The following ZMAT1 variants were observed in gnomAD, a reference collection of about 807,000 sequenced individuals.
The protein encoded by ZMAT1 is zinc finger matrin-type protein 1.
ZMAT1 carries 11 observed loss-of-function variants against 18.5 expected under a neutral mutation model. The observed-to-expected ratio is 0.59, with a 90% CI of 0.37 to 0.98. The LOEUF (loss-of-function observed/expected upper bound fraction) is 0.98, where lower values mean the gene tolerates loss of function less well. ZMAT1 is among the 50% of genes least tolerant of loss of function. ZMAT1 has a pLI of 0.01. For missense variants in ZMAT1, 525 were observed against 496.2 expected (o/e 1.06, Z -0.55); for synonymous variants, 211 against 176.4 (o/e 1.20, Z -1.55).
intron 4 of ZMAT1, chrX:101,895,932 C>A (rs1215796330): frequency 8.0e-6 from 5 of 624,920 alleles, no homozygotes; most frequent in Non-Finnish European, 9.6e-6. Context: ...GATATTAGAA[C>A]TGCATTTATT....
chrX:101,900,574 G>C (rs902525749), intron 2 of ZMAT1, among the ~76,000 whole-genome samples: 2 of 111,711 alleles, frequency 1.8e-5, no homozygotes, highest in African/African-American at 6.5e-5. Flanking sequence ...TTCCCCAACT[G>C]ATATTTTTGT....
intron 4 of ZMAT1, among the ~76,000 whole-genome samples, chrX:101,896,508 T>C (rs757532671): frequency 1.8e-5 from 2 of 112,149 alleles, no homozygotes; most frequent in Admixed American, 1.9e-4. Context: ...AGACTAAATT[T>C]AAAAAAATAA....
At chrX:101,931,459 T>G in intron 1 of ZMAT1, 1 of 754,119 alleles carries the variant, frequency 1.3e-6, no homozygotes, top group Non-Finnish European at 1.6e-6. Flanking sequence ...TCCTGCCTCA[T>G]GAGTACCTGC....
chrX:101,889,558 C>G (rs1429573693), intron 4 of ZMAT1: 4 of 111,541 alleles, frequency 3.6e-5, no homozygotes, highest in Non-Finnish European at 7.5e-5. Flanking sequence ...CTTAGGGAGT[C>G]AAAAAAGAGA....
At chrX:101,929,687 T>C (rs1930358458) in intron 1 of ZMAT1, among the ~76,000 whole-genome samples, 1 of 110,346 alleles carries the variant, frequency 9.1e-6, no homozygotes, top group South Asian at 3.8e-4. Flanking sequence ...GCTAGTAAAT[T>C]GTCTCAACAC....
intron 1 of ZMAT1, among the ~76,000 whole-genome samples, chrX:101,919,474 C>A (rs1056818178): frequency 1.2e-4 from 13 of 111,986 alleles, no homozygotes; most frequent in African/African-American, 1.6e-4. Flanking sequence ...TGACTCTTTT[C>A]ATTATGCATA....
intron 1 of ZMAT1, chrX:101,918,485 A>ACACACACACACACAC (rs1331139026): frequency 3.2e-5 from 2 of 63,273 alleles, no homozygotes; most frequent in African/African-American, 5.8e-5. Flanking sequence ...CACACACACA[A>ACACACACACACACAC]AAATTAGCTG....
At position 101,908,808 on chromosome X, in the gene ZMAT1, A is replaced by G. The variant is rs377386679; in HGVS notation, c.293-4478T>C. ...GCCAAAGTGCTCTCAGTCTCTAAGTAAACCTGAAAGGCAGTCTAGGCAATA... is the reference window on the plus strand; with the variant it reads ...GCCAAAGTGCTCTCAGTCTCTAAGTGAACCTGAAAGGCAGTCTAGGCAATA... On this transcript the variant is annotated intron_variant, in intron 1 of 5. Transcript: ENST00000651725. 1.5e-4 allele frequency among the ~76,000 whole-genome samples: 17 copies of G among 111,686 alleles called. No homozygotes were observed. The East Asian group carries it at 3.1e-3, about 20-fold the overall frequency.
At chrX:101,928,336 G>A (rs1181101465) in intron 1 of ZMAT1, among the ~76,000 whole-genome samples, 2 of 112,335 alleles carry the variant, frequency 1.8e-5, no homozygotes, top group Non-Finnish European at 3.8e-5. Context: ...ATACATGAAA[G>A]GTTACCCACT....
chrX:101,900,499 C>T (rs1055394636), intron 2 of ZMAT1, among the ~76,000 whole-genome samples: 1 of 111,663 alleles, frequency 9.0e-6, no homozygotes, highest in Non-Finnish European at 1.9e-5. Context: ...GATGAAGATC[C>T]GGTTTCATTC....
In ZMAT1 at chrX:101,931,399, G is replaced by A. The variant is rs10449020; in HGVS notation, c.292+318C>T. 14 of 730,667 alleles carry A rather than the reference G, an allele frequency of 1.9e-5. No individual in the cohort carries two copies. In the South Asian group the frequency reaches 7.1e-4, roughly 37 times the overall value. The allele number at this position is 730,667 out of a possible 1,213,427, so 60.2% of individuals were successfully genotyped here. On this transcript the variant is annotated intron_variant, in intron 1 of 5. Transcript: ENST00000651725. ...CCTCAGCTTCCTACAGCACACTAAG[G>A]TGTCCTGGCTGGGAGAGAAATTATG...
chrX:101,924,860 T>C (rs1175020509), intron 1 of ZMAT1, among the ~76,000 whole-genome samples: 1 of 111,850 alleles, frequency 8.9e-6, no homozygotes, highest in Non-Finnish European at 1.9e-5. Context: ...AATATGGTCA[T>C]ATAACAAAAC....
chrX:101,896,884 T>G (rs200483311), intron 4 of ZMAT1, among the ~76,000 whole-genome samples: 6,125 of 53,625 alleles, frequency 0.11, 184 homozygotes, highest in Non-Finnish European at 0.13. Flanking sequence ...GTTTTTATAA[T>G]TCCCCCTGTA....
chrX:101,882,987 TTA>T lies in ZMAT1; in HGVS notation c.*521_*522del, dbSNP rs943112703. ...TTTCTTGAGTAGGTTTCTTTTTCTC[TTA>T]AGTTCTTGTGTTCTCATGTTAGTGT... On this transcript the variant is annotated 3_prime_UTR_variant, in exon 6 of 6. Coordinates refer to ENST00000651725, the MANE Select transcript of ZMAT1 (RefSeq NM_001394560.1). 9.9e-5 allele frequency: 11 copies of T among 111,338 alleles called. No homozygotes were observed. Among genetic ancestry groups the T allele is most frequent in the African/African-American group, 3.6e-4 (11 of 30,763 alleles). The allele number at this position is 111,338 out of a possible 1,213,427, so 9.2% of individuals were successfully genotyped here.
chrX:101,884,634 G>A lies in ZMAT1; in HGVS notation c.964C>T (p.His322Tyr), dbSNP rs751180162. Reference sequence around the variant, plus strand: ...GGGAGTCTTTGTTCAAACATTCTATGTCTGGGTCTGGAATCGACCACTTCT... The same window carrying A: ...GGGAGTCTTTGTTCAAACATTCTATATCTGGGTCTGGAATCGACCACTTCT... ...YREVVDSRPR[H>Y]RMFEQRLPFE... Residue 322 changes from histidine (H) to tyrosine (Y), a missense_variant, in exon 6 of 6, where the codon CAT (histidine) becomes TAT (tyrosine). Coordinates refer to ENST00000651725, the MANE Select transcript of ZMAT1 (RefSeq NM_001394560.1). 6.6e-6 allele frequency: 8 copies of A among 1,210,719 alleles called. No individual in the cohort carries two copies. Among genetic ancestry groups the A allele is most frequent in the Middle Eastern group, 2.3e-4 (1 of 4,351 alleles).
At position 101,931,838 on chromosome X, in the gene ZMAT1, G is replaced by C; in HGVS notation, c.171C>G (p.Ala57=). ...CGCCACAGCCACCGGCAGGCGGGCA[G>C]GCAGGGGCGGAGGTGGCGGAGGAGG... ...VPASSATSAP[A]CPPAGGCGDG... Residue 57 remains alanine, a synonymous_variant, in exon 1 of 6, where the codon GCC becomes GCG. Coordinates refer to ENST00000651725, the MANE Select transcript of ZMAT1 (RefSeq NM_001394560.1). 1 of 788,081 alleles carries C rather than the reference G, an allele frequency of 1.3e-6. No individual in the cohort carries two copies. Among genetic ancestry groups the C allele is most frequent in the Non-Finnish European group, 1.5e-6 (1 of 663,889 alleles). The allele number at this position is 788,081 out of a possible 1,213,427, so 64.9% of individuals were successfully genotyped here. A position where few individuals can be genotyped will look rare whatever the true frequency, so the allele number is the denominator to read the frequency against.
At chrX:101,894,185 T>C (rs1927634879) in intron 4 of ZMAT1, among the ~76,000 whole-genome samples, 1 of 111,261 alleles carries the variant, frequency 9.0e-6, no homozygotes, top group African/African-American at 3.3e-5. Flanking sequence ...ACAGATCTTG[T>C]TAAAATGCAG....
chrX:101,926,234 T>C (rs1930044230), intron 1 of ZMAT1, among the ~76,000 whole-genome samples: 2 of 112,024 alleles, frequency 1.8e-5, no homozygotes, highest in South Asian at 3.7e-4. Flanking sequence ...ATTCCTTATG[T>C]TGATATAAAA....
intron 1 of ZMAT1, among the ~76,000 whole-genome samples, chrX:101,914,921 T>C (rs981715264): frequency 4.5e-5 from 5 of 111,704 alleles, no homozygotes; most frequent in Non-Finnish European, 7.5e-5. Context: ...CTGATGAATA[T>C]TGATGCAAAA....
Sources: gnomAD v4.1 joint callset for allele counts (sites outside exome capture counted in the v4.1 genomes callset) on GRCh38, gnomAD v4.1.1 for gene constraint, MANE v1.5 for transcripts, NCBI Gene and HGNC (gene_info 2026-07-23, HGNC 2026-07-21) for gene names.